Variants in IQCF1 observed in about 807,000 individuals in gnomAD.
IQCF1 encodes the protein IQ domain-containing protein F1.
IQCF1 carries 9 observed loss-of-function variants against 12.5 expected under a neutral mutation model. The observed-to-expected ratio is 0.72, with a 90% CI of 0.43 to 1.26. The LOEUF (loss-of-function observed/expected upper bound fraction) is 1.26, where lower values mean the gene tolerates loss of function less well. Among genes scored for constraint, IQCF1 ranks in the 50% most tolerant of loss-of-function variants. The probability of loss-of-function intolerance (pLI) is 0.00; values close to 1 mark genes in which losing one functional copy is unlikely to be tolerated. For missense variants in IQCF1, 252 were observed against 257.4 expected (o/e 0.98, Z 0.14); for synonymous variants, 67 against 96.2 (o/e 0.70, Z 1.78).
At position 51,903,038 on chromosome 3, in the gene IQCF1, G is replaced by C; in HGVS notation, c.55C>G (p.Gln19Glu). 6.2e-7 allele frequency: 1 copy of C among 1,614,150 alleles called. No individual in the cohort carries two copies. Among genetic ancestry groups the C allele is most frequent in the Non-Finnish European group, 8.5e-7 (1 of 1,180,024 alleles). ...TKEPSKEDEP[Q>E]QKEMPTHLSL... ...AAATGGGTTGGCATCTCCTTCTGCTGAGGCTCATCTTCTTTTGAGGGTTCC... is the reference window on the plus strand; with the variant it reads ...AAATGGGTTGGCATCTCCTTCTGCTCAGGCTCATCTTCTTTTGAGGGTTCC... The change falls in exon 2 of 4, where the codon CAG becomes GAG. Residue 19 changes from glutamine (Q) to glutamate (E), a missense_variant. Coordinates refer to ENST00000310914, the MANE Select transcript of IQCF1 (RefSeq NM_152397.3).
chr3:51,896,920 C>T (rs374427022), intron 2 of IQCF1, 26 bp from the exon 3 acceptor site: 12 of 1,574,392 alleles, frequency 7.6e-6, no homozygotes, highest in Non-Finnish European at 1.0e-5. Flanking sequence ...GGAAAGAGAA[C>T]AGACAAGATT....
At chr3:51,902,802 T>G in intron 2 of IQCF1, 183 bp downstream of exon 2, 1 of 655,550 alleles carries the variant, frequency 1.5e-6, no homozygotes, top group Non-Finnish European at 2.8e-6. Context: ...TTGCTCCATC[T>G]GTAAGGGCGC....
chr3:51,898,587 A>G (rs941828513), intron 2 of IQCF1, among the ~76,000 whole-genome samples: 2 of 151,418 alleles, frequency 1.3e-5, no homozygotes, highest in African/African-American at 4.9e-5. Flanking sequence ...CTGTGAACAC[A>G]CCTCCTCAGG....
chr3:51,896,669 A>G (rs1302902506), intron 3 of IQCF1, among the ~76,000 whole-genome samples, 163 bp downstream of exon 3: 1 of 151,892 alleles, frequency 6.6e-6, no homozygotes, highest in African/African-American at 2.4e-5. Flanking sequence ...ACAAGCACAT[A>G]TACATGCACA....
intron 2 of IQCF1, 82 bp from the exon 3 acceptor site, chr3:51,896,976 T>C: frequency 9.5e-7 from 1 of 1,047,786 alleles, no homozygotes; most frequent in Non-Finnish European, 1.5e-6. Flanking sequence ...AGATATGAGT[T>C]CTAAATTTCT....
rs1225250926 is a variant in IQCF1, at chr3:51,900,785, C to G, written c.108+2200G>C. On this transcript the variant is annotated intron_variant, in intron 2 of 3. Coordinates refer to ENST00000310914, the MANE Select transcript of IQCF1 (RefSeq NM_152397.3). This position sits in a 1 kb window ranked among gnomAD's most constrained non-coding sequence, Gnocchi z 4.2. ...GCCTCCCACTAACTGTCAGCTAAACCAGTGCAATCCTATACAGGTTATTAC... is the reference window on the plus strand; with the variant it reads ...GCCTCCCACTAACTGTCAGCTAAACGAGTGCAATCCTATACAGGTTATTAC... Among the ~76,000 whole-genome samples the G allele has an allele frequency of 6.6e-6, 1 of 152,220 alleles. No homozygotes were observed. The highest frequency in any genetic ancestry group is 1.5e-5 in the Non-Finnish European group (1 of 68,046).
chr3:51,899,501 C>T (rs1699050969), intron 2 of IQCF1, among the ~76,000 whole-genome samples: 1 of 152,068 alleles, frequency 6.6e-6, no homozygotes, highest in South Asian at 2.1e-4. Context: ...TATAAGGAGG[C>T]ATAAGAATGT....
In IQCF1 at chr3:51,900,677, C is replaced by G. The variant is rs910917794; in HGVS notation, c.108+2308G>C. On this transcript the variant is annotated intron_variant, in intron 2 of 3. Coordinates refer to ENST00000310914, the MANE Select transcript of IQCF1 (RefSeq NM_152397.3). This position sits in a 1 kb window ranked among gnomAD's most constrained non-coding sequence, Gnocchi z 4.2. ...AGTTGGTCCAGGGTTCTGTGGACCA[C>G]TAAAGAGCAAGGATGGACTGCCCCA... Among the ~76,000 whole-genome samples, 2 of 152,196 alleles carry G rather than the reference C, an allele frequency of 1.3e-5. No individual in the cohort carries two copies. Among genetic ancestry groups the G allele is most frequent in the African/African-American group, 4.8e-5 (2 of 41,440 alleles).
At chr3:51,902,422 A>G (rs1004944303) in intron 2 of IQCF1, among the ~76,000 whole-genome samples, 2 of 152,220 alleles carry the variant, frequency 1.3e-5, no homozygotes, top group Admixed American at 6.5e-5. Context: ...GTATGTCAAT[A>G]TGTTCAATTC....
At position 51,895,287 on chromosome 3, in the gene IQCF1, T is replaced by G; in HGVS notation, c.221A>C (p.Lys74Thr). 6.2e-7 allele frequency: 1 copy of G among 1,614,110 alleles called. No homozygotes were observed. Among genetic ancestry groups the G allele is most frequent in the South Asian group, 1.1e-5 (1 of 91,068 alleles). ...KLSDKDTVATKIQAWWRGTLV... is the reference protein window; with the variant it reads ...KLSDKDTVATTIQAWWRGTLV... ...GGTGCCCCGCCACCAGGCCTGGATCTTGGTGGCTACCGTATCTTTGTCAGA... is the reference window on the plus strand; with the variant it reads ...GGTGCCCCGCCACCAGGCCTGGATCGTGGTGGCTACCGTATCTTTGTCAGA... The change falls in exon 4 of 4, where the codon AAG becomes ACG. Residue 74 changes from lysine to threonine, a missense_variant. Lys to Thr is a moderately conservative substitution (Grantham distance 78). Transcript: ENST00000310914. The surrounding 1 kb of genome is among the most constrained non-coding windows in gnomAD (Gnocchi z 4.8).
In IQCF1 at chr3:51,903,098, A is replaced by G; in HGVS notation, c.4-9T>C. On this transcript the variant is annotated splice_polypyrimidine_tract_variant and intron_variant, in intron 1 of 3. Transcript: ENST00000310914. ...TGGGGCTGCTTCTCCTCCTGCAATC[A>G]GCATTAGGGGAAAGGCAAGAGTGAG... 6.2e-7 allele frequency: 1 copy of G among 1,613,454 alleles called. No homozygotes were observed. The highest frequency in any genetic ancestry group is 1.1e-5 in the South Asian group (1 of 91,068).
intron 2 of IQCF1, 36 bp downstream of exon 2, chr3:51,902,949 T>C (rs978816435): frequency 2.7e-6 from 4 of 1,478,538 alleles, no homozygotes; most frequent in Middle Eastern, 3.4e-4. Flanking sequence ...CACTAGGACA[T>C]GGGATCAATG....
chr3:51,896,928 A>G (rs1699011526), intron 2 of IQCF1, 34 bp from the exon 3 acceptor site: 1 of 1,541,710 alleles, frequency 6.5e-7, no homozygotes, highest in Admixed American at 1.7e-5. Context: ...AACAGACAAG[A>G]TTGAGTTGTT....
chr3:51,897,687 C>T (rs746753997), intron 2 of IQCF1, among the ~76,000 whole-genome samples: 2 of 152,176 alleles, frequency 1.3e-5, no homozygotes, highest in Non-Finnish European at 2.9e-5. Context: ...CTGTGGGAGC[C>T]GATAAAGTAC....
intron 2 of IQCF1, among the ~76,000 whole-genome samples, chr3:51,898,211 ACAGT>A (rs1430639534): frequency 7.9e-5 from 12 of 151,162 alleles, no homozygotes; most frequent in Non-Finnish European, 1.6e-4. Flanking sequence ...AGAGAGAAAC[ACAGT>A]CAAAGAGAGA....
At chr3:51,901,262 G>A (rs757612740) in intron 2 of IQCF1, among the ~76,000 whole-genome samples, 64 of 152,192 alleles carry the variant, frequency 4.2e-4, no homozygotes, top group African/African-American at 1.4e-3. Context: ...TCTACAGCCT[G>A]GAGTAACAAG....
Position 51,895,190 on chromosome 3 carries a change from C to T in IQCF1, c.318G>A (p.Leu106=). The change falls in exon 4 of 4, where the codon CTG becomes CTA. Residue 106 remains leucine (L), a synonymous_variant. Transcript: ENST00000310914. This position sits in a 1 kb window ranked among gnomAD's most constrained non-coding sequence, Gnocchi z 4.8. ...CIIQCWWRLI[L]SKILKKRRQA... Reference sequence around the variant, plus strand: ...GCCGCCTCTTCTTCAGAATCTTGGACAGTATCAGCCGCCACCAGCACTGAA... The same window carrying T: ...GCCGCCTCTTCTTCAGAATCTTGGATAGTATCAGCCGCCACCAGCACTGAA... The T allele has an allele frequency of 6.2e-7, 1 of 1,614,236 alleles. No individual in the cohort carries two copies. The highest frequency in any genetic ancestry group is 8.5e-7 in the Non-Finnish European group (1 of 1,180,056).
In IQCF1 at chr3:51,903,103, T is replaced by C. The variant is rs1699099418; in HGVS notation, c.4-14A>G. ...CTGCTTCTCCTCCTGCAATCAGCATTAGGGGAAAGGCAAGAGTGAGGCTGC... is the reference window on the plus strand; with the variant it reads ...CTGCTTCTCCTCCTGCAATCAGCATCAGGGGAAAGGCAAGAGTGAGGCTGC... On this transcript the variant is annotated splice_polypyrimidine_tract_variant and intron_variant, in intron 1 of 3. Transcript: ENST00000310914. The C allele has an allele frequency of 6.2e-6, 10 of 1,612,540 alleles. No homozygotes were observed. Among genetic ancestry groups the C allele is most frequent in the African/African-American group, 2.7e-5 (2 of 75,006 alleles).
rs757517959 is a variant in IQCF1, at chr3:51,902,985, C to A, written c.108G>T (p.Glu36Asp). The A allele has an allele frequency of 2.0e-5, 32 of 1,611,444 alleles. No individual in the cohort carries two copies. Among genetic ancestry groups the A allele is most frequent in the Non-Finnish European group, 2.6e-5 (31 of 1,177,604 alleles). ...ACATCCAAGTCAGGGCTCCTCCTAC[C>A]TCTGCCTTTGACTCTGCTCCTAAGG... ...HLSLGAESKAEAKTPVLVETQ... is the reference protein window; with the variant it reads ...HLSLGAESKADAKTPVLVETQ... The change falls in exon 2 of 4, where the codon GAG (glutamate) becomes GAT (aspartate). Residue 36 changes from glutamate to aspartate, a missense_variant and splice_region_variant. Glu to Asp is a conservative substitution (Grantham distance 45). Coordinates refer to ENST00000310914, the MANE Select transcript of IQCF1 (RefSeq NM_152397.3).
Sources: gnomAD v4.1 joint callset for allele counts (sites outside exome capture counted in the v4.1 genomes callset) on GRCh38, gnomAD v4.1.1 for gene constraint, Gnocchi (gnomAD v3.1) non-coding constraint, MANE v1.5 for transcripts, NCBI Gene and HGNC (gene_info 2026-07-23, HGNC 2026-07-21) for gene names.